The following UBE2R2 variants were observed in gnomAD, a reference collection of about 807,000 sequenced individuals.
UBE2R2 encodes the protein ubiquitin conjugating enzyme E2 R2, also known as ubiquitin-conjugating enzyme E2 R2.
A neutral mutation model predicts 27.8 loss-of-function variants in UBE2R2; 1 was observed. The observed-to-expected ratio is 0.04, with a 90% CI of 0.01 to 0.17. The LOEUF (loss-of-function observed/expected upper bound fraction) is 0.17. Among genes scored for constraint, UBE2R2 ranks in the 10% least tolerant of loss-of-function variants. The probability of loss-of-function intolerance (pLI) is 1.00; values close to 1 mark genes in which losing one functional copy is unlikely to be tolerated. For synonymous variants in UBE2R2, 106 were observed against 113.3 expected (o/e 0.94, Z 0.41); for missense variants, 100 against 291.0 (o/e 0.34, Z 4.78).
intron 3 of UBE2R2, among the ~76,000 whole-genome samples, chr9:33,904,564 T>C (rs1332832142): frequency 6.6e-6 from 1 of 152,212 alleles, no homozygotes; most frequent in East Asian, 1.9e-4. Flanking sequence ...TGGAGCACTT[T>C]TGTAACTTGA....
intron 1 of UBE2R2, among the ~76,000 whole-genome samples, chr9:33,828,846 G>C (rs979579356): frequency 6.6e-6 from 1 of 151,950 alleles, no homozygotes; most frequent in Non-Finnish European, 1.5e-5. Flanking sequence ...TGATTATTCT[G>C]TCTCAGCCTC....
rs1314910439 is a variant in UBE2R2 at position 33,868,784 on chromosome 9, G to A, written c.178-18097G>A. ...GATGACGTAGCAGAAAAACTCAGCA[G>A]TGGGAATATCCTCATTTCACACTAA... On this transcript the variant is annotated intron_variant, in intron 1 of 4. Transcript: ENST00000263228. 2.0e-5 allele frequency: 3 copies of A among 152,274 alleles called. No individual in the cohort carries two copies. The South Asian group carries it at 6.2e-4, about 32-fold the overall frequency. 9.4% of individuals were successfully genotyped at this position (152,274 alleles called of 1,614,324 possible). A position where few individuals can be genotyped will look rare whatever the true frequency, so the allele number is the denominator to read the frequency against.
chr9:33,851,858 A>G (rs756296107), intron 1 of UBE2R2, among the ~76,000 whole-genome samples: 12 of 152,166 alleles, frequency 7.9e-5, no homozygotes, highest in Non-Finnish European at 1.3e-4. Context: ...TGTGTTTTAC[A>G]TGCATGCATA....
chr9:33,820,472 G>A (rs1825961859), intron 1 of UBE2R2, among the ~76,000 whole-genome samples: 4 of 152,100 alleles, frequency 2.6e-5, no homozygotes, highest in South Asian at 4.1e-4. Context: ...CCCATTAGTT[G>A]TTCATTAGAA....
At chr9:33,865,208 A>T in intron 1 of UBE2R2, among the ~76,000 whole-genome samples, 1 of 149,028 alleles carries the variant, frequency 6.7e-6, no homozygotes, top group East Asian at 2.0e-4. Flanking sequence ...CTATCTATCT[A>T]TCTATTTTTT....
Position 33,900,212 on chromosome 9 carries a change from A to G in UBE2R2, c.303A>G (p.Val101=). 6.2e-7 allele frequency: 1 copy of G among 1,613,428 alleles called. No homozygotes were observed. Among genetic ancestry groups the G allele is most frequent in the African/African-American group, 1.3e-5 (1 of 75,034 alleles). ...GCATTTCGATTCTTCATCCGCCTGT[A>G]GATGACCCACAGAGTGGAGAACTGC... ...DVCISILHPP[V]DDPQSGELPS... Residue 101 remains valine (V), a synonymous_variant, in exon 3 of 5, where the codon GTA becomes GTG. Coordinates refer to ENST00000263228, the MANE Select transcript of UBE2R2 (RefSeq NM_017811.4).
intron 1 of UBE2R2, among the ~76,000 whole-genome samples, chr9:33,877,620 G>A (rs943363820): frequency 2.0e-5 from 3 of 152,122 alleles, no homozygotes; most frequent in African/African-American, 7.2e-5. Flanking sequence ...AATATAATTA[G>A]GTTTGGTAAG....
chr9:33,916,057 A>G (rs555881917), intron 4 of UBE2R2, among the ~76,000 whole-genome samples: 3 of 152,176 alleles, frequency 2.0e-5, no homozygotes, highest in Admixed American at 6.5e-5. Context: ...AGAGTGGGTC[A>G]TGTGGCCGGG....
At chr9:33,816,668 T>C (rs1029733043), upstream of UBE2R2, among the ~76,000 whole-genome samples, 2 of 152,120 alleles carry the variant, frequency 1.3e-5, no homozygotes, top group African/African-American at 2.4e-5. Flanking sequence ...AGACCCACAT[T>C]GTCAGCACAT....
At chr9:33,834,149 A>G (rs2130730263) in intron 1 of UBE2R2, among the ~76,000 whole-genome samples, 1 of 150,470 alleles carries the variant, frequency 6.6e-6, no homozygotes. Flanking sequence ...AATTCCTACC[A>G]GCTCAGTGGT....
At chr9:33,815,361 T>A (rs1825728880), upstream of UBE2R2, among the ~76,000 whole-genome samples, 1 of 152,238 alleles carries the variant, frequency 6.6e-6, no homozygotes, top group Admixed American at 6.5e-5. Flanking sequence ...GTAATACATG[T>A]ACTCTACTAA....
intron 1 of UBE2R2, among the ~76,000 whole-genome samples, chr9:33,872,669 C>T (rs939137734): frequency 6.6e-6 from 1 of 152,050 alleles, no homozygotes; most frequent in Admixed American, 6.6e-5. Context: ...GCCTGTAATT[C>T]CAGATACTCA....
intron 3 of UBE2R2, among the ~76,000 whole-genome samples, chr9:33,903,882 C>G (rs1822297518): frequency 6.6e-6 from 1 of 152,218 alleles, no homozygotes; most frequent in South Asian, 2.1e-4. Flanking sequence ...GGAGTTACAC[C>G]TAACATCTTC....
chr9:33,853,977 T>G (rs1028076626), intron 1 of UBE2R2, among the ~76,000 whole-genome samples: 11 of 152,144 alleles, frequency 7.2e-5, no homozygotes, highest in Non-Finnish European at 1.6e-4. Context: ...ATTACAGGCA[T>G]GAGCCACTGC....
chr9:33,841,065 T>C (rs981617260), intron 1 of UBE2R2, among the ~76,000 whole-genome samples: 2 of 150,954 alleles, frequency 1.3e-5, no homozygotes, highest in Admixed American at 6.6e-5. Context: ...GCTGGAATTA[T>C]AAGCACCTGC....
chr9:33,901,233 C>T (rs558026819), intron 3 of UBE2R2, among the ~76,000 whole-genome samples: 14 of 152,228 alleles, frequency 9.2e-5, no homozygotes, highest in African/African-American at 3.4e-4. Context: ...TGTGTTTTCT[C>T]ATGATTAGTC....
At chr9:33,823,106 A>G (rs1820194758) in intron 1 of UBE2R2, among the ~76,000 whole-genome samples, 1 of 149,358 alleles carries the variant, frequency 6.7e-6, no homozygotes, top group Admixed American at 6.7e-5. Context: ...GGGTTTTGCC[A>G]TGTTGGCCAG....
intron 1 of UBE2R2, among the ~76,000 whole-genome samples, chr9:33,856,533 C>T (rs1319488862): frequency 6.6e-6 from 1 of 152,022 alleles, no homozygotes; most frequent in Non-Finnish European, 1.5e-5. Context: ...CTCTTTCATA[C>T]CACTCAGCCT....
At chr9:33,900,431 AT>A (rs1403404275) in intron 3 of UBE2R2, among the ~76,000 whole-genome samples, 160 bp downstream of exon 3, 1 of 152,174 alleles carries the variant, frequency 6.6e-6, no homozygotes, top group African/African-American at 2.4e-5. Flanking sequence ...TGTATGCGTC[AT>A]TTTGAAGAGC....
Sources: gnomAD v4.1 joint callset for allele counts (sites outside exome capture counted in the v4.1 genomes callset) on GRCh38, gnomAD v4.1.1 for gene constraint, MANE v1.5 for transcripts, NCBI Gene and HGNC (gene_info 2026-07-23, HGNC 2026-07-21) for gene names.